Variants in CTNNA3 observed in about 807,000 individuals in gnomAD.
CTNNA3 encodes catenin alpha 3.
CTNNA3 carries 76 observed loss-of-function variants against 95.7 expected under a neutral mutation model. The ratio of observed to expected loss-of-function variants is 0.79; its 90% CI spans 0.66 to 0.96. CTNNA3 has a LOEUF of 0.96. Among genes scored for constraint, CTNNA3 ranks in the 40% least tolerant of loss-of-function variants. The pLI, the probability that CTNNA3 is intolerant of heterozygous loss-of-function variation, is 0.00. For missense variants in CTNNA3, 1,191 were observed against 1,089.8 expected (o/e 1.09, Z -1.31); for synonymous variants, 431 against 374.4 (o/e 1.15, Z -1.74).
At chr10:66,214,882 C>T (rs561930195) in intron 13 of CTNNA3, among the ~76,000 whole-genome samples, 3 of 152,052 alleles carry the variant, frequency 2.0e-5, no homozygotes, top group African/African-American at 7.2e-5. Context: ...TAAAGAATTT[C>T]CCTCAAACTA....
At chr10:66,681,980 T>C (rs1423182678) in intron 9 of CTNNA3, among the ~76,000 whole-genome samples, 1 of 152,204 alleles carries the variant, frequency 6.6e-6, no homozygotes, top group Non-Finnish European at 1.5e-5. Flanking sequence ...CATAGCAGCA[T>C]ACTAGTACAA....
At chr10:65,943,327 G>A (rs2077458725) in intron 17 of CTNNA3, among the ~76,000 whole-genome samples, 1 of 152,126 alleles carries the variant, frequency 6.6e-6, no homozygotes, top group South Asian at 2.1e-4. Context: ...GCCTCCCAAA[G>A]TGTAGTTATG....
intron 13 of CTNNA3, among the ~76,000 whole-genome samples, chr10:66,236,894 G>A (rs1336484902): frequency 6.6e-6 from 1 of 151,868 alleles, no homozygotes; most frequent in Non-Finnish European, 1.5e-5. Context: ...GAGAGAGGAC[G>A]GTTTGAGCCC....
At chr10:66,134,904 T>G (rs2133860136) in intron 13 of CTNNA3, among the ~76,000 whole-genome samples, 1 of 152,240 alleles carries the variant, frequency 6.6e-6, no homozygotes, top group South Asian at 2.1e-4. Context: ...CTGTACACTC[T>G]TGGTTGGAAA....
chr10:67,462,164 A>G (rs1847402554), intron 5 of CTNNA3, among the ~76,000 whole-genome samples: 1 of 152,148 alleles, frequency 6.6e-6, no homozygotes, highest in African/African-American at 2.4e-5. Flanking sequence ...AGCAGGTGTT[A>G]TAAGCACCTA....
At chr10:66,832,475 T>C (rs1842754486) in intron 7 of CTNNA3, among the ~76,000 whole-genome samples, 1 of 152,280 alleles carries the variant, frequency 6.6e-6, no homozygotes, top group Non-Finnish European at 1.5e-5. Flanking sequence ...TTGAAAAATA[T>C]ATTGTTTTTG....
At chr10:66,074,014 T>G (rs2080496037) in intron 14 of CTNNA3, among the ~76,000 whole-genome samples, 2 of 152,058 alleles carry the variant, frequency 1.3e-5, no homozygotes, top group Non-Finnish European at 2.9e-5. Flanking sequence ...TGCTAGTCAC[T>G]ATCTCCTAAG....
intron 5 of CTNNA3, among the ~76,000 whole-genome samples, chr10:67,263,222 C>T (rs1866685663): frequency 6.6e-6 from 1 of 152,150 alleles, no homozygotes; most frequent in South Asian, 2.1e-4. Context: ...ACTTCATCAT[C>T]CCCAGAAGCC....
At chr10:66,043,025 A>G (rs531886395) in intron 15 of CTNNA3, among the ~76,000 whole-genome samples, 8 of 150,946 alleles carry the variant, frequency 5.3e-5, no homozygotes, top group Middle Eastern at 3.4e-3. Flanking sequence ...GATGAAATTG[A>G]CCATCTAATT....
chr10:66,394,727 A>G (rs1439542244), intron 11 of CTNNA3, among the ~76,000 whole-genome samples: 2 of 151,984 alleles, frequency 1.3e-5, no homozygotes, highest in Non-Finnish European at 2.9e-5. Flanking sequence ...CGATTGTCTT[A>G]TAAAAAAACA....
At chr10:66,570,342 G>A (rs1227673526) in intron 10 of CTNNA3, among the ~76,000 whole-genome samples, 2 of 152,052 alleles carry the variant, frequency 1.3e-5, no homozygotes, top group Non-Finnish European at 2.9e-5. Flanking sequence ...AGGCTGGAGT[G>A]CAGTGGTGCA....
chr10:66,913,058 T>G (rs1427532277), intron 7 of CTNNA3, among the ~76,000 whole-genome samples: 1 of 151,062 alleles, frequency 6.6e-6, no homozygotes, highest in African/African-American at 2.4e-5. Context: ...GTTAACACGG[T>G]GAAACCCCGT....
intron 10 of CTNNA3, among the ~76,000 whole-genome samples, chr10:66,567,692 TA>T (rs943548974): frequency 1.3e-5 from 2 of 152,184 alleles, no homozygotes; most frequent in African/African-American, 4.8e-5. Context: ...AGGGCTTCAC[TA>T]AAAACAAATT....
At chr10:67,289,756 ATGAATGGAT>A (rs1839757423) in intron 5 of CTNNA3, among the ~76,000 whole-genome samples, 1 of 138,130 alleles carries the variant, frequency 7.2e-6, no homozygotes, top group Admixed American at 6.8e-5. Context: ...GGAAGGATGG[ATGAATGGAT>A]GGATGGATGG....
In CTNNA3 at chr10:67,593,742, A is replaced by AT. The variant is rs60519700; in HGVS notation, c.292+13114dup. On this transcript the variant is annotated intron_variant, in intron 3 of 17. Transcript: ENST00000433211. ...AATTCCTCTCTTCCTACTTGGATAC[A>AT]TTTTTTTTTCTTTCTCTTGACTGAT... Among the ~76,000 whole-genome samples the AT allele has an allele frequency of 1.8e-3, 279 of 151,372 alleles. 2 individuals are homozygous for AT. The highest frequency in any genetic ancestry group is 0.017 in the East Asian group (87 of 5,152).
chr10:67,201,373 G>A (rs1197119868), intron 6 of CTNNA3, among the ~76,000 whole-genome samples: 1 of 152,112 alleles, frequency 6.6e-6, no homozygotes. Flanking sequence ...CCATCTGCAG[G>A]ACATGACATA....
At chr10:67,412,117 C>G (rs1845388695) in intron 5 of CTNNA3, among the ~76,000 whole-genome samples, 1 of 152,072 alleles carries the variant, frequency 6.6e-6, no homozygotes, top group South Asian at 2.1e-4. Flanking sequence ...ACAAAGTACA[C>G]TCCATTGAGT....
Position 67,005,682 on chromosome 10 carries a change from C to CTTTTTTTTTTTTTTTTTTTTTTTTTTTTT in CTNNA3, c.1047+174634_1047+174635insAAAAAAAAAAAAAAAAAAAAAAAAAAAAA, listed in dbSNP as rs11369576. On this transcript the variant is annotated intron_variant, in intron 7 of 17. Coordinates refer to ENST00000433211, the MANE Select transcript of CTNNA3 (RefSeq NM_013266.4). ...AATGCTTTTGTTTATTTTACTCCAT[C>CTTTTTTTTTTTTTTTTTTTTTTTTTTTTT]TTTTTTTTTTTTTTTTTTTTTGAGA... Among the ~76,000 whole-genome samples the CTTTTTTTTTTTTTTTTTTTTTTTTTTTTT allele has an allele frequency of 2.4e-4, 15 of 61,984 alleles. 5 individuals are homozygous for CTTTTTTTTTTTTTTTTTTTTTTTTTTTTT. The highest frequency in any genetic ancestry group is 4.1e-4 in the Non-Finnish European group (14 of 34,094). 40.7% of individuals were successfully genotyped at this position (61,984 alleles called of 152,430 possible). A position where few individuals can be genotyped will look rare whatever the true frequency, so the allele number is the denominator to read the frequency against.
At position 66,971,510 on chromosome 10, in the gene CTNNA3, A is replaced by G. The variant is rs1330459886; in HGVS notation, c.1048-195986T>C. On this transcript the variant is annotated intron_variant, in intron 7 of 17. Coordinates refer to ENST00000433211, the MANE Select transcript of CTNNA3 (RefSeq NM_013266.4). ...CTTAAATCCCAATTGTACTCTTTAT[A>G]ATTTGTATGGCTTTGTGCCAGTTTT... is the stretch of plus-strand genomic sequence containing the variant. 2.0e-5 allele frequency among the ~76,000 whole-genome samples: 3 copies of G among 152,304 alleles called. No homozygotes were observed. The East Asian group carries it at 5.8e-4, about 29-fold the overall frequency.
Sources: gnomAD v4.1 joint callset for allele counts (sites outside exome capture counted in the v4.1 genomes callset) on GRCh38, gnomAD v4.1.1 for gene constraint, MANE v1.5 for transcripts, NCBI Gene and HGNC (gene_info 2026-07-23, HGNC 2026-07-21) for gene names.